Variants in PTPRD observed in about 807,000 individuals in gnomAD.
PTPRD encodes the protein protein tyrosine phosphatase receptor type D.
A neutral mutation model predicts 214.5 loss-of-function variants in PTPRD; 34 were observed. That is an observed-to-expected ratio of 0.16 (90% confidence interval 0.12 to 0.21). The LOEUF is 0.21. PTPRD is among the 10% of genes least tolerant of loss of function. The probability of loss-of-function intolerance (pLI) is 1.00; values close to 1 mark genes in which losing one functional copy is unlikely to be tolerated. For synonymous variants in PTPRD, 1,128 were observed against 845.7 expected, an observed-to-expected ratio of 1.33 and a Z score of -5.79; for missense variants, 2,545 against 2,398.7, an observed-to-expected ratio of 1.06 and a Z score of -1.27.
chr9:10,422,793 A>G (rs1399655562), intron 2 of PTPRD, among the ~76,000 whole-genome samples: 1 of 152,110 alleles, frequency 6.6e-6, no homozygotes, highest in East Asian at 1.9e-4. Flanking sequence ...ATCATTAAAA[A>G]GTCAGGAAAC....
intron 7 of PTPRD, among the ~76,000 whole-genome samples, chr9:9,627,201 G>T (rs925717736): frequency 6.6e-6 from 1 of 152,134 alleles, no homozygotes; most frequent in Admixed American, 6.5e-5. Context: ...CAGCTACTTG[G>T]GAGGCTGAAG....
chr9:9,030,735 G>C (rs1468083274), intron 10 of PTPRD, among the ~76,000 whole-genome samples: 2 of 151,724 alleles, frequency 1.3e-5, no homozygotes, highest in African/African-American at 2.4e-5. Flanking sequence ...GTTAGAGAGT[G>C]GAATCCACCT....
chr9:9,148,586 T>A (rs2099872607), intron 10 of PTPRD, among the ~76,000 whole-genome samples: 1 of 151,912 alleles, frequency 6.6e-6, no homozygotes, highest in Non-Finnish European at 1.5e-5. Flanking sequence ...TTGGTCCCCA[T>A]CAGAACCGAA....
chr9:9,549,527 T>A (rs1293744778), intron 8 of PTPRD, among the ~76,000 whole-genome samples: 1 of 152,152 alleles, frequency 6.6e-6, no homozygotes, highest in Non-Finnish European at 1.5e-5. Context: ...TCTCATTAAC[T>A]GCTGGTGAAG....
intron 2 of PTPRD, among the ~76,000 whole-genome samples, chr9:10,573,880 A>G (rs2132071109): frequency 6.6e-6 from 1 of 152,292 alleles, no homozygotes; most frequent in Non-Finnish European, 1.5e-5. Flanking sequence ...CCACCATGGC[A>G]CGTGTATACC....
chr9:8,774,795 A>G (rs992131869), intron 11 of PTPRD, among the ~76,000 whole-genome samples: 4 of 152,122 alleles, frequency 2.6e-5, no homozygotes, highest in African/African-American at 9.7e-5. Context: ...CGGCCTCCCA[A>G]AGTGCTGGAA....
At chr9:8,874,618 C>G (rs2098359936) in intron 11 of PTPRD, among the ~76,000 whole-genome samples, 1 of 152,172 alleles carries the variant, frequency 6.6e-6, no homozygotes, top group Admixed American at 6.5e-5. Context: ...ACTCTTATCT[C>G]TTCCCTAATT....
chr9:8,323,463 T>C (rs1421350936), intron 44 of PTPRD, among the ~76,000 whole-genome samples: 2 of 152,226 alleles, frequency 1.3e-5, no homozygotes, highest in East Asian at 1.9e-4. Flanking sequence ...CCATTCTATA[T>C]GCCATTAAAA....
chr9:8,348,045 TA>T (rs904111468), intron 39 of PTPRD, among the ~76,000 whole-genome samples: 5 of 151,912 alleles, frequency 3.3e-5, no homozygotes, highest in African/African-American at 4.8e-5. Context: ...AAAGATATCC[TA>T]AAAAAAAGTG....
intron 43 of PTPRD, among the ~76,000 whole-genome samples, chr9:8,335,883 T>A (rs994192829): frequency 6.6e-6 from 1 of 152,120 alleles, no homozygotes; most frequent in African/African-American, 2.4e-5. Context: ...TCACAATTGC[T>A]TCAAAGAGAA....
chr9:10,204,166 T>C (rs1476000513), intron 3 of PTPRD, among the ~76,000 whole-genome samples: 1 of 152,210 alleles, frequency 6.6e-6, no homozygotes, highest in Non-Finnish European at 1.5e-5. Context: ...GAGATTTGAA[T>C]GTTCTTCCTT....
chr9:10,504,297 T>C (rs566681658), intron 2 of PTPRD, among the ~76,000 whole-genome samples: 2 of 152,048 alleles, frequency 1.3e-5, no homozygotes, highest in South Asian at 4.2e-4. Context: ...GCCAGTATTA[T>C]GATTAACAGT....
intron 7 of PTPRD, among the ~76,000 whole-genome samples, chr9:9,635,982 G>C (rs1564205081): frequency 1.3e-5 from 2 of 152,202 alleles, no homozygotes; most frequent in East Asian, 1.9e-4. Flanking sequence ...TTAGGAAAAA[G>C]ATACAAAACT....
intron 11 of PTPRD, among the ~76,000 whole-genome samples, chr9:8,947,462 CAA>C (rs138279192): frequency 8.7e-4 from 81 of 92,980 alleles, no homozygotes; most frequent in Non-Finnish European, 1.0e-3. Context: ...GACTCTGTCT[CAA>C]AAAAAAAAAA....
rs554109160 is a variant in PTPRD, at chr9:10,159,720, A to T, written c.-544-125930T>A. ...GAGAAATATATTTGCTGAGCAAAAA[A>T]AAATTATTAGAGGCTCTTAGTAACA... On this transcript the variant is annotated intron_variant, in intron 3 of 45. Transcript: ENST00000381196. Among the ~76,000 whole-genome samples the T allele has an allele frequency of 1.2e-3, 180 of 152,176 alleles. 1 individual carries two copies. The highest frequency in any genetic ancestry group is 3.8e-3 in the African/African-American group (158 of 41,566).
intron 14 of PTPRD, among the ~76,000 whole-genome samples, chr9:8,560,663 C>T (rs557829847): frequency 5.9e-5 from 9 of 152,210 alleles, no homozygotes; most frequent in African/African-American, 1.7e-4. Context: ...GTTATCTTCC[C>T]ACACCCAACC....
At chr9:8,549,940 C>T (rs918015285) in intron 14 of PTPRD, among the ~76,000 whole-genome samples, 2 of 152,086 alleles carry the variant, frequency 1.3e-5, no homozygotes, top group Non-Finnish European at 2.9e-5. Context: ...CATATAGTTC[C>T]TGGCATGAAG....
chr9:9,887,246 C>T (rs1321854500), intron 5 of PTPRD, among the ~76,000 whole-genome samples: 5 of 152,060 alleles, frequency 3.3e-5, no homozygotes, highest in Non-Finnish European at 7.4e-5. Context: ...ACCTTATTTA[C>T]CACCAATAAA....
chr9:8,427,571 A>G (rs1324704088), intron 35 of PTPRD, among the ~76,000 whole-genome samples: 1 of 152,122 alleles, frequency 6.6e-6, no homozygotes, highest in Non-Finnish European at 1.5e-5. Context: ...GATCACAGCA[A>G]ATGACTGGAG....
Sources: allele counts gnomAD v4.1 joint callset (sites outside exome capture counted in the v4.1 genomes callset), GRCh38; gene constraint gnomAD v4.1.1; transcripts MANE v1.5; gene names NCBI Gene and HGNC (gene_info 2026-07-23, HGNC 2026-07-21).